Variants in ADAM19 observed in about 807,000 individuals in gnomAD.
ADAM19 encodes disintegrin and metalloproteinase domain-containing protein 19.
A neutral mutation model predicts 114.7 loss-of-function variants in ADAM19; 65 were observed. That is an observed-to-expected ratio of 0.57 (90% CI 0.46 to 0.70). The LOEUF is 0.70. Among genes scored for constraint, ADAM19 ranks in the 30% least tolerant of loss-of-function variants. The pLI, the probability that ADAM19 is intolerant of heterozygous loss-of-function variation, is 0.00. For missense variants in ADAM19, 1,063 were observed against 1,204.7 expected (o/e 0.88, Z 1.74); for synonymous variants, 466 against 460.5 (o/e 1.01, Z -0.15).
intron 5 of ADAM19, among the ~76,000 whole-genome samples, chr5:157,527,429 C>G (rs1383143015): frequency 6.6e-6 from 1 of 152,170 alleles, no homozygotes; most frequent in Non-Finnish European, 1.5e-5. Flanking sequence ...CCAGGATGGT[C>G]TCGATCTCCT....
chr5:157,551,401 C>T (rs930778315), intron 3 of ADAM19, among the ~76,000 whole-genome samples: 5 of 117,016 alleles, frequency 4.3e-5, no homozygotes, highest in African/African-American at 1.4e-4. Flanking sequence ...ATGATTCTGT[C>T]CCCCCAACCC....
intron 13 of ADAM19, among the ~76,000 whole-genome samples, chr5:157,498,012 C>T (rs962666890): frequency 2.6e-5 from 4 of 152,238 alleles, no homozygotes; most frequent in African/African-American, 9.6e-5. Context: ...ATGCTTAGGC[C>T]TTGGGCCAAG....
chr5:157,565,696 G>C (rs1245945014), intron 2 of ADAM19, among the ~76,000 whole-genome samples: 1 of 148,896 alleles, frequency 6.7e-6, no homozygotes, highest in East Asian at 2.0e-4. Context: ...GTGACAGAGC[G>C]AGACACTCTC....
Position 157,491,906 on chromosome 5 carries a change from A to C in ADAM19, c.1915T>G (p.Phe639Val). 6.2e-7 allele frequency: 1 copy of C among 1,614,160 alleles called. No individual in the cohort carries two copies. Among genetic ancestry groups the C allele is most frequent in the Non-Finnish European group, 8.5e-7 (1 of 1,180,014 alleles). ...GAGGTGTTCCTGCACTGCCCCTCAA[A>C]GCAAATCTGCACGGAGAGAAAACAG... is the stretch of plus-strand genomic sequence containing the variant. ...GTKCGYNHIC[F>V]EGQCRNTSFF... Residue 639 changes from phenylalanine to valine, a missense_variant, in exon 17 of 23, where the codon TTT becomes GTT. By Grantham distance (50) the Phe-to-Val change is conservative. Around this residue, in one of 3 missense-constraint regions of ADAM19, gnomAD observed 424 missense variants for 445.5 expected, o/e 0.95. Coordinates refer to ENST00000257527, the MANE Select transcript of ADAM19 (RefSeq NM_033274.5).
At chr5:157,557,023 G>A (rs970770056) in intron 3 of ADAM19, among the ~76,000 whole-genome samples, 3 of 152,164 alleles carry the variant, frequency 2.0e-5, no homozygotes, top group Non-Finnish European at 4.4e-5. Flanking sequence ...TGGGACTACA[G>A]GCATGTGCCA....
intron 3 of ADAM19, among the ~76,000 whole-genome samples, chr5:157,555,246 T>A (rs533685560): frequency 6.6e-6 from 1 of 152,154 alleles, no homozygotes; most frequent in African/African-American, 2.4e-5. Flanking sequence ...TCTTCATTGG[T>A]TGGTTGTGAC....
intron 2 of ADAM19, among the ~76,000 whole-genome samples, chr5:157,570,258 AAAAC>A (rs1055172925): frequency 7.0e-4 from 107 of 151,916 alleles, no homozygotes; most frequent in African/African-American, 2.2e-3. Flanking sequence ...AGACTCTGTC[AAAAC>A]AAACAAACAA....
At chr5:157,561,305 T>C (rs1314510521) in intron 3 of ADAM19, among the ~76,000 whole-genome samples, 1 of 152,220 alleles carries the variant, frequency 6.6e-6, no homozygotes, top group South Asian at 2.1e-4. Flanking sequence ...GCCCCATGCC[T>C]TTCCATCCTC....
intron 20 of ADAM19, 59 bp downstream of exon 20, chr5:157,489,043 C>G: frequency 3.0e-6 from 3 of 999,708 alleles, no homozygotes; most frequent in South Asian, 1.4e-5. Context: ...AAGAAAAATA[C>G]AGCATGGCCC....
chr5:157,494,558 T>TGG (rs1755292849), intron 15 of ADAM19, 129 bp downstream of exon 15: 1 of 678,566 alleles, frequency 1.5e-6, no homozygotes, highest in African/African-American at 1.8e-5. Context: ...AATAGATGAC[T>TGG]GACTTCAACT....
intron 3 of ADAM19, among the ~76,000 whole-genome samples, chr5:157,546,253 C>T (rs537657308): frequency 2.0e-5 from 3 of 152,190 alleles, no homozygotes; most frequent in Non-Finnish European, 4.4e-5. Context: ...TAACCAATTT[C>T]TAGTTTCTCC....
chr5:157,527,018 C>T (rs528532091), intron 5 of ADAM19, among the ~76,000 whole-genome samples: 15 of 152,056 alleles, frequency 9.9e-5, no homozygotes, highest in South Asian at 2.1e-4. Flanking sequence ...TATATTAGTC[C>T]GTTTTCACAC....
chr5:157,513,867 T>C (rs1756009904), intron 7 of ADAM19, among the ~76,000 whole-genome samples: 1 of 152,250 alleles, frequency 6.6e-6, no homozygotes, highest in Non-Finnish European at 1.5e-5. Context: ...ATCCTCACCG[T>C]GGTCATCACC....
At chr5:157,505,901 C>T in intron 10 of ADAM19, 93 bp from the exon 11 acceptor site, 3 of 1,418,078 alleles carry the variant, frequency 2.1e-6, no homozygotes, top group Non-Finnish European at 1.9e-6. Context: ...TCTTGCAGGT[C>T]TCCACCAATT....
At chr5:157,525,611 T>A (rs1188891549) in intron 5 of ADAM19, among the ~76,000 whole-genome samples, 1 of 151,998 alleles carries the variant, frequency 6.6e-6, no homozygotes, top group Non-Finnish European at 1.5e-5. Flanking sequence ...CTTAGCCACC[T>A]TTTGGATAGA....
intron 12 of ADAM19, among the ~76,000 whole-genome samples, chr5:157,501,383 C>T (rs1325714530): frequency 4.6e-5 from 7 of 152,204 alleles, no homozygotes; most frequent in Non-Finnish European, 7.4e-5. Context: ...GTCTTCCTAG[C>T]ACTTGCCATG....
chr5:157,492,055 G>T, intron 16 of ADAM19, 143 bp from the exon 17 acceptor site: 2 of 684,388 alleles, frequency 2.9e-6, no homozygotes, highest in East Asian at 3.1e-5. Context: ...ACTTTGGGAG[G>T]CTGAGGTGGG....
At chr5:157,514,558 C>T (rs1756035534) in intron 7 of ADAM19, among the ~76,000 whole-genome samples, 1 of 152,110 alleles carries the variant, frequency 6.6e-6, no homozygotes, top group African/African-American at 2.4e-5. Context: ...AACTCCTGAC[C>T]TCAAGTGATC....
chr5:157,535,644 T>C (rs1756742237), intron 4 of ADAM19, among the ~76,000 whole-genome samples: 1 of 152,194 alleles, frequency 6.6e-6, no homozygotes, highest in South Asian at 2.1e-4. Flanking sequence ...TCTTTTCCAA[T>C]CCTCTCTTTC....
Sources: gnomAD v4.1 joint callset for allele counts (sites outside exome capture counted in the v4.1 genomes callset) on GRCh38, gnomAD v4.1.1 for gene constraint, gnomAD v4.1.1 regional missense constraint, MANE v1.5 for transcripts, NCBI Gene and HGNC (gene_info 2026-07-23, HGNC 2026-07-21) for gene names.